Variants in RBFOX1 observed in about 807,000 individuals in gnomAD.
The protein encoded by RBFOX1 is RNA binding protein fox-1 homolog 1.
RBFOX1 carries 8 observed loss-of-function variants against 57.7 expected under a neutral mutation model. The ratio of observed to expected loss-of-function variants is 0.14; its 90% CI spans 0.08 to 0.25. The LOEUF is 0.25. RBFOX1 is among the 10% of genes least tolerant of loss of function. The probability of loss-of-function intolerance (pLI) is 1.00; values close to 1 mark genes in which losing one functional copy is unlikely to be tolerated. For synonymous variants in RBFOX1, 326 were observed against 222.4 expected (o/e 1.47, Z -4.15); for missense variants, 611 against 548.5 (o/e 1.11, Z -1.14).
At chr16:7,479,154 C>T (rs549362299) in intron 4 of RBFOX1, among the ~76,000 whole-genome samples, 13 of 150,078 alleles carry the variant, frequency 8.7e-5, no homozygotes, top group East Asian at 2.0e-4. Context: ...GACAGGGTCT[C>T]GGTCTGTTGC....
chr16:7,132,649 C>T (rs1753812550), intron 4 of RBFOX1, among the ~76,000 whole-genome samples: 1 of 151,668 alleles, frequency 6.6e-6, no homozygotes, highest in South Asian at 2.1e-4. Flanking sequence ...GTATTCAGCC[C>T]TGAAAAATAA....
At chr16:6,418,511 C>G (rs2093685562) in intron 2 of RBFOX1, among the ~76,000 whole-genome samples, 2 of 145,966 alleles carry the variant, frequency 1.4e-5, no homozygotes, top group African/African-American at 5.2e-5. Flanking sequence ...TGTCTTTCTG[C>G]AAGCCTTATT....
rs74716244 is a variant in RBFOX1 at position 6,903,125 on chromosome 16, C to A, written c.-15-148932C>A. ...CTTCTTGGAGGACGCGATTCTGAAG[C>A]CATCATAAGTGACTTCACTTGTTGA... On this transcript the variant is annotated intron_variant, in intron 3 of 15. Coordinates refer to ENST00000550418, the MANE Select transcript of RBFOX1 (RefSeq NM_018723.4). Among the ~76,000 whole-genome samples, 98 of 152,240 alleles carry A rather than the reference C, an allele frequency of 6.4e-4. 4 individuals carry two copies. The East Asian group carries it at 0.017, about 27-fold the overall frequency.
intron 1 of RBFOX1, among the ~76,000 whole-genome samples, chr16:6,141,818 G>C (rs1268733422): frequency 6.6e-6 from 1 of 151,972 alleles, no homozygotes; most frequent in Admixed American, 6.6e-5. Flanking sequence ...GCACACTTTG[G>C]GAGGGTGAGG....
intron 3 of RBFOX1, among the ~76,000 whole-genome samples, chr16:5,651,040 CTTT>C (rs869240597): frequency 1.8e-5 from 1 of 56,896 alleles, no homozygotes; most frequent in African/African-American, 7.3e-5. Context: ...CTACCTCCTT[CTTT>C]TTTTTTTTTT....
intron 1 of RBFOX1, among the ~76,000 whole-genome samples, chr16:6,143,844 G>A (rs2152706963): frequency 6.6e-6 from 1 of 151,894 alleles, no homozygotes; most frequent in African/African-American, 2.4e-5. Flanking sequence ...TGCCTAGGCT[G>A]GAGTACAGTG....
chr16:5,896,421 A>G (rs1030880770), intron 4 of RBFOX1, among the ~76,000 whole-genome samples: 1 of 151,916 alleles, frequency 6.6e-6, no homozygotes, highest in Non-Finnish European at 1.5e-5. Flanking sequence ...TGCTAAAAAA[A>G]CCTGGCACCT....
intron 4 of RBFOX1, among the ~76,000 whole-genome samples, chr16:7,371,885 G>C (rs1205777815): frequency 6.6e-6 from 1 of 151,794 alleles, no homozygotes; most frequent in African/African-American, 2.4e-5. Flanking sequence ...AATTTCACTT[G>C]ATGATATGCC....
At chr16:5,366,289 A>C in intron 1 of RBFOX1, 1 of 373,888 alleles carries the variant, frequency 2.7e-6, no homozygotes, top group Non-Finnish European at 5.2e-6. Context: ...GATGCTGGTC[A>C]TGACGATTTT....
At chr16:6,917,040 G>C (rs1002593312) in intron 3 of RBFOX1, among the ~76,000 whole-genome samples, 5 of 152,032 alleles carry the variant, frequency 3.3e-5, no homozygotes, top group South Asian at 2.1e-4. Context: ...GTAGAGATGG[G>C]TTTCACCATG....
At chr16:7,005,532 T>A (rs2093221606) in intron 3 of RBFOX1, among the ~76,000 whole-genome samples, 1 of 152,210 alleles carries the variant, frequency 6.6e-6, no homozygotes, top group African/African-American at 2.4e-5. Context: ...TGATAAGTGT[T>A]CTGTAATTTT....
chr16:5,610,511 C>T (rs1420401595), intron 3 of RBFOX1: 1 of 152,086 alleles, frequency 6.6e-6, no homozygotes, highest in African/African-American at 2.4e-5. Context: ...GTATTAAAAA[C>T]ACCGCAACGT....
intron 3 of RBFOX1, among the ~76,000 whole-genome samples, chr16:5,760,896 T>C (rs1220193495): frequency 6.6e-6 from 1 of 152,106 alleles, no homozygotes; most frequent in African/African-American, 2.4e-5. Flanking sequence ...TGAAAATATT[T>C]TGGAACTAGA....
At chr16:7,177,670 T>G (rs2081950774) in intron 4 of RBFOX1, among the ~76,000 whole-genome samples, 1 of 152,140 alleles carries the variant, frequency 6.6e-6, no homozygotes, top group Non-Finnish European at 1.5e-5. Flanking sequence ...GGTAGGGCAC[T>G]TCCACAAAAT....
At chr16:6,761,472 G>A (rs1233228913) in intron 3 of RBFOX1, among the ~76,000 whole-genome samples, 1 of 141,366 alleles carries the variant, frequency 7.1e-6, no homozygotes. Context: ...ATACACTCCA[G>A]GTAATAGTTT....
intron 3 of RBFOX1, among the ~76,000 whole-genome samples, chr16:6,879,404 G>A (rs1192588414): frequency 6.6e-6 from 1 of 152,072 alleles, no homozygotes; most frequent in Non-Finnish European, 1.5e-5. Flanking sequence ...GGATGCTCTG[G>A]TATGTAATTA....
chr16:6,301,967 C>T (rs983817390), intron 1 of RBFOX1, among the ~76,000 whole-genome samples: 4 of 152,120 alleles, frequency 2.6e-5, no homozygotes, highest in African/African-American at 9.7e-5. Context: ...GCCCCAATAT[C>T]AAACTCAGGG....
At chr16:6,967,477 A>T (rs2084529088) in intron 3 of RBFOX1, among the ~76,000 whole-genome samples, 1 of 152,158 alleles carries the variant, frequency 6.6e-6, no homozygotes. Context: ...TGGATAGGAT[A>T]GGAGCAGTGG....
At chr16:6,832,043 C>G (rs1205894360) in intron 3 of RBFOX1, among the ~76,000 whole-genome samples, 3 of 152,306 alleles carry the variant, frequency 2.0e-5, no homozygotes, top group East Asian at 1.9e-4. Context: ...ACAGCCTGCA[C>G]TTAAGAATAT....
Sources: allele counts gnomAD v4.1 joint callset (sites outside exome capture counted in the v4.1 genomes callset), GRCh38; gene constraint gnomAD v4.1.1; transcripts MANE v1.5; gene names NCBI Gene and HGNC (gene_info 2026-07-23, HGNC 2026-07-21).